LINGO1: variants seen among roughly 807,000 people sequenced by gnomAD.
LINGO1 encodes leucine rich repeat and Ig domain containing 1.
Under a neutral mutation model 37.3 loss-of-function variants are expected in LINGO1, and 11 were observed. That is an observed-to-expected ratio of 0.29 (90% CI 0.19 to 0.49). The LOEUF (loss-of-function observed/expected upper bound fraction) is 0.49. Ranked by LOEUF, LINGO1 falls within the 20% of genes least tolerant of loss-of-function variation. The pLI, the probability that LINGO1 is intolerant of heterozygous loss-of-function variation, is 0.99. For synonymous variants in LINGO1, 387 were observed against 403.0 expected (o/e 0.96, Z 0.48); for missense variants, 585 against 878.2 (o/e 0.67, Z 4.22).
chr15:77,655,877 T>C (rs2074854089), intron 3 of LINGO1, among the ~76,000 whole-genome samples: 1 of 152,192 alleles, frequency 6.6e-6, no homozygotes, highest in Non-Finnish European at 1.5e-5. Flanking sequence ...CCCCATTGCT[T>C]GCCTCTGTGT....
chr15:77,762,010 G>C (rs1191343648), intron 1 of LINGO1, among the ~76,000 whole-genome samples: 1 of 152,146 alleles, frequency 6.6e-6, no homozygotes, highest in African/African-American at 2.4e-5. Context: ...CTCTAAAATG[G>C]GGCTTTATGA....
At chr15:77,641,718 T>C (rs1210859948) in intron 3 of LINGO1, 4 of 385,488 alleles carry the variant, frequency 1.0e-5, no homozygotes, top group Non-Finnish European at 2.1e-5. Context: ...CACTGTGGAG[T>C]CAGGTGGTGC....
At chr15:77,653,629 G>A (rs1025920962) in intron 3 of LINGO1, among the ~76,000 whole-genome samples, 2 of 152,174 alleles carry the variant, frequency 1.3e-5, no homozygotes, top group African/African-American at 4.8e-5. Context: ...AGCTGGGAGT[G>A]AGGGTGTCCG....
At chr15:77,813,471 T>C (rs1043148363) in intron 1 of LINGO1, among the ~76,000 whole-genome samples, 1 of 152,084 alleles carries the variant, frequency 6.6e-6, no homozygotes, top group African/African-American at 2.4e-5. Flanking sequence ...CAGGGAGTGC[T>C]GGGAGGGTGT....
intron 1 of LINGO1, among the ~76,000 whole-genome samples, chr15:77,754,411 T>C (rs1458297811): frequency 6.6e-6 from 1 of 152,172 alleles, no homozygotes; most frequent in African/African-American, 2.4e-5. Flanking sequence ...CACCGTCCGC[T>C]TCTGAATAAT....
At chr15:77,768,955 G>A (rs1289396204) in intron 1 of LINGO1, among the ~76,000 whole-genome samples, 2 of 152,222 alleles carry the variant, frequency 1.3e-5, no homozygotes, top group East Asian at 1.9e-4. Flanking sequence ...TCACTGCAGG[G>A]CCTTCTGCCC....
chr15:77,620,830 G>T (rs980068965), intron 1 of LINGO1, among the ~76,000 whole-genome samples: 10 of 152,142 alleles, frequency 6.6e-5, no homozygotes, highest in African/African-American at 2.4e-4. Flanking sequence ...GGTGAAGGAC[G>T]GTAGTTAGGG....
intron 2 of LINGO1, among the ~76,000 whole-genome samples, chr15:77,703,236 A>G (rs2075806799): frequency 6.6e-6 from 1 of 152,174 alleles, no homozygotes; most frequent in Admixed American, 6.5e-5. Context: ...CAGTTCCCCC[A>G]TGAAATTTTC....
intron 1 of LINGO1, among the ~76,000 whole-genome samples, chr15:77,806,114 G>A (rs1258063023): frequency 2.6e-5 from 4 of 152,204 alleles, no homozygotes; most frequent in African/African-American, 9.6e-5. Flanking sequence ...AGCCGCCGAA[G>A]CCTCATTGCA....
At chr15:77,673,312 A>C (rs201767597) in intron 3 of LINGO1, among the ~76,000 whole-genome samples, 4 of 152,130 alleles carry the variant, frequency 2.6e-5, no homozygotes, top group African/African-American at 9.7e-5. Flanking sequence ...AAAAAAAAAA[A>C]CTTGTGAATA....
In LINGO1 at chr15:77,804,989, C is replaced by G. The variant is rs565708737; in HGVS notation, c.-457-8936G>C. Among the ~76,000 whole-genome samples, 8 of 152,330 alleles carry G rather than the reference C, an allele frequency of 5.3e-5. No homozygotes were observed. The South Asian group carries it at 1.7e-3, about 32-fold the overall frequency. On this transcript the variant is annotated intron_variant, in intron 1 of 5. Transcript: ENST00000562933. ...ATGGTCTCAGTGCCCACCCCCCCAACTGCTCCTGACCCCTCCAGGGGCCTC... is the reference window on the plus strand; with the variant it reads ...ATGGTCTCAGTGCCCACCCCCCCAAGTGCTCCTGACCCCTCCAGGGGCCTC...
intron 2 of LINGO1, among the ~76,000 whole-genome samples, chr15:77,721,040 C>T (rs1489158998): frequency 6.6e-6 from 1 of 152,082 alleles, no homozygotes; most frequent in Admixed American, 6.5e-5. Flanking sequence ...TGGTCTGAGC[C>T]ACCGCCCCTC....
chr15:77,738,241 C>T lies in LINGO1; in HGVS notation c.-256-3188G>A, dbSNP rs930090645. 4.6e-5 allele frequency among the ~76,000 whole-genome samples: 7 copies of T among 152,118 alleles called. No homozygotes were observed. The South Asian group carries it at 8.3e-4, about 18-fold the overall frequency. ...TCCCTCACTCAGCTTCTTGCCTCCACCTCTGGCCCCAAACTATCAGAGCAG... is the reference window on the plus strand; with the variant it reads ...TCCCTCACTCAGCTTCTTGCCTCCATCTCTGGCCCCAAACTATCAGAGCAG... On this transcript the variant is annotated intron_variant, in intron 1 of 3. Coordinates refer to the LINGO1 transcript ENST00000561686.
At chr15:77,719,867 T>A (rs907156887) in intron 2 of LINGO1, among the ~76,000 whole-genome samples, 1 of 123,376 alleles carries the variant, frequency 8.1e-6, no homozygotes, top group Non-Finnish European at 1.8e-5. Context: ...CTTATACACA[T>A]GTGCATGCAT....
intron 1 of LINGO1, among the ~76,000 whole-genome samples, chr15:77,777,265 G>A (rs1306150738): frequency 7.3e-5 from 2 of 27,564 alleles, no homozygotes; most frequent in African/African-American, 3.0e-4. Flanking sequence ...TTATCATGGT[G>A]GGGGGGTCCA....
intron 3 of LINGO1, among the ~76,000 whole-genome samples, chr15:77,642,128 T>A (rs2074521328): frequency 6.6e-6 from 1 of 152,106 alleles, no homozygotes; most frequent in Admixed American, 6.5e-5. Context: ...TCCACCCCCA[T>A]ATCTCAGGGG....
At chr15:77,744,921 G>C (rs2076298404) in intron 1 of LINGO1, among the ~76,000 whole-genome samples, 1 of 149,456 alleles carries the variant, frequency 6.7e-6, no homozygotes, top group African/African-American at 2.5e-5. Flanking sequence ...TTTGAGACCG[G>C]CCTGGCCAAC....
intron 3 of LINGO1, among the ~76,000 whole-genome samples, chr15:77,663,602 A>G (rs906182783): frequency 1.3e-5 from 2 of 152,174 alleles, no homozygotes; most frequent in Non-Finnish European, 2.9e-5. Flanking sequence ...CCTCTGAGGC[A>G]TCCTACCCAG....
At chr15:77,773,444 C>T (rs1001110160) in intron 1 of LINGO1, among the ~76,000 whole-genome samples, 4 of 152,148 alleles carry the variant, frequency 2.6e-5, no homozygotes, top group Admixed American at 6.5e-5. Flanking sequence ...TGAGGCTGGT[C>T]GCAGTGAAGT....
Sources: allele counts gnomAD v4.1 joint callset (sites outside exome capture counted in the v4.1 genomes callset), GRCh38; gene constraint gnomAD v4.1.1; transcripts MANE v1.5; gene names NCBI Gene and HGNC (gene_info 2026-07-23, HGNC 2026-07-21).